The following GGA3 variants were observed in gnomAD, a reference collection of about 807,000 sequenced individuals.
GGA3 encodes the protein ADP-ribosylation factor-binding protein GGA3.
A neutral mutation model predicts 77.5 loss-of-function variants in GGA3; 57 were observed. That is an observed-to-expected ratio of 0.74 (90% CI 0.59 to 0.92). The LOEUF (loss-of-function observed/expected upper bound fraction) is 0.92. Ranked by LOEUF, GGA3 falls within the 40% of genes least tolerant of loss-of-function variation. The pLI, the probability that GGA3 is intolerant of heterozygous loss-of-function variation, is 0.00. For missense variants in GGA3, 970 were observed against 914.9 expected (o/e 1.06, Z -0.78); for synonymous variants, 416 against 383.7 (o/e 1.08, Z -0.98).
At position 75,240,970 on chromosome 17, in the gene GGA3, G is replaced by T. The variant is rs1046579045; in HGVS notation, c.1034C>A (p.Ala345Glu). Residue 345 changes from alanine to glutamate, a missense_variant, in exon 11 of 17, where the codon GCA (alanine) becomes GAA (glutamate). By Grantham distance (107) the Ala-to-Glu change is moderately radical. Transcript: ENST00000537686. ...GATGCCTGAGGAGGGTGGAGTAGGT[G>T]CTGGGGCCAACACGGAGGACAAACT... ...TNSLSSVLAP[A>E]PTPPSSGIPI... is the part of the protein sequence containing the mutation. 6.8e-6 allele frequency: 11 copies of T among 1,614,022 alleles called. No homozygotes were observed. The highest frequency in any genetic ancestry group is 8.5e-6 in the Non-Finnish European group (10 of 1,179,996).
chr17:75,242,072 G>A (rs1307442000), intron 8 of GGA3: 1 of 570,106 alleles, frequency 1.8e-6, no homozygotes, highest in East Asian at 3.0e-5. Context: ...AGAGAGCAGG[G>A]GTGAGCACCG....
At chr17:75,252,656 C>A (rs2077009269) in intron 1 of GGA3, among the ~76,000 whole-genome samples, 1 of 152,176 alleles carries the variant, frequency 6.6e-6, no homozygotes, top group Non-Finnish European at 1.5e-5. Context: ...GCCATGGCAT[C>A]CCCTATGACT....
At chr17:75,239,118 CA>C (rs1202734246) in intron 14 of GGA3, 35 bp from the exon 15 acceptor site, 4 of 1,589,124 alleles carry the variant, frequency 2.5e-6, no homozygotes, top group Non-Finnish European at 3.4e-6. Flanking sequence ...GGAGGAGCAG[CA>C]CCAGAGACAC....
intron 1 of GGA3, among the ~76,000 whole-genome samples, chr17:75,247,516 C>T (rs1382032107): frequency 6.6e-6 from 1 of 152,190 alleles, no homozygotes; most frequent in African/African-American, 2.4e-5. Context: ...CCCGCCTTGG[C>T]CTCCCAAAGT....
intron 5 of GGA3, 47 bp from the exon 6 acceptor site, chr17:75,243,213 G>A: frequency 7.1e-7 from 1 of 1,408,234 alleles, no homozygotes; most frequent in Non-Finnish European, 9.9e-7. Flanking sequence ...TGGTTGCCTT[G>A]TCACCCCTCC....
chr17:75,243,022 A>G, intron 6 of GGA3, 41 bp downstream of exon 6: 5 of 1,525,570 alleles, frequency 3.3e-6, no homozygotes, highest in South Asian at 1.1e-5. Context: ...GCTGCCACCC[A>G]CTCTCGTATG....
intron 13 of GGA3, 57 bp downstream of exon 13, chr17:75,239,732 G>C: frequency 6.3e-7 from 1 of 1,587,566 alleles, no homozygotes; most frequent in East Asian, 2.2e-5. Flanking sequence ...GTTAGCTCTG[G>C]TTCTGACACA....
chr17:75,244,088 G>A (rs2076670721), intron 4 of GGA3, among the ~76,000 whole-genome samples: 1 of 152,148 alleles, frequency 6.6e-6, no homozygotes, highest in Admixed American at 6.5e-5. Context: ...TTTGAGTTCT[G>A]AGGAAAGTGC....
chr17:75,244,465 TC>T, intron 4 of GGA3, 153 bp downstream of exon 4: 1 of 655,290 alleles, frequency 1.5e-6, no homozygotes, highest in Non-Finnish European at 2.7e-6. Flanking sequence ...TGTTTGGTCA[TC>T]CCGTTACCTC....
intron 1 of GGA3, among the ~76,000 whole-genome samples, chr17:75,247,661 CCAA>C (rs1443884329): frequency 5.9e-5 from 9 of 152,318 alleles, no homozygotes; most frequent in African/African-American, 1.7e-4. Flanking sequence ...CATTGTCAAG[CCAA>C]CAACATTTAC....
intron 1 of GGA3, among the ~76,000 whole-genome samples, chr17:75,256,148 C>T (rs1458684263): frequency 1.3e-5 from 2 of 152,082 alleles, no homozygotes; most frequent in Admixed American, 6.5e-5. Flanking sequence ...GAGCCAGGAC[C>T]GCACCCTGTA....
chr17:75,252,102 C>T (rs553563412), intron 1 of GGA3, among the ~76,000 whole-genome samples: 61 of 151,138 alleles, frequency 4.0e-4, no homozygotes, highest in Non-Finnish European at 7.2e-4. Flanking sequence ...TTGTTTGAGA[C>T]GGGGTCTCAC....
chr17:75,238,914 C>A lies in GGA3; in HGVS notation c.1950G>T (p.Lys650Asn). The A allele has an allele frequency of 6.2e-7, 1 of 1,613,814 alleles. No individual in the cohort carries two copies. Among genetic ancestry groups the A allele is most frequent in the Non-Finnish European group, 8.5e-7 (1 of 1,179,826 alleles). ...TTTGGCCCCAGGGAGACACTGGTAC[C>A]TTGGGCACTGCAGCCTGCAGCACGA... ...KSIVLQAAVP[K>N]SMKVKLQPPS... The change falls in exon 15 of 17, where the codon AAG becomes AAT. Residue 650 changes from lysine to asparagine, a missense_variant and splice_region_variant. Lys to Asn is a moderately conservative substitution (Grantham distance 94, BLOSUM62 0). Coordinates refer to ENST00000537686, the MANE Select transcript of GGA3 (RefSeq NM_138619.4).
At chr17:75,246,628 C>A in intron 2 of GGA3, 44 bp from the exon 3 acceptor site, 3 of 1,579,840 alleles carry the variant, frequency 1.9e-6, no homozygotes, top group South Asian at 2.2e-5. Flanking sequence ...AAGCCTGGGG[C>A]TACCTGGCTG....
At chr17:75,243,008 C>T in intron 6 of GGA3, 55 bp downstream of exon 6, 4 of 1,508,946 alleles carry the variant, frequency 2.7e-6, no homozygotes, top group Non-Finnish European at 3.7e-6. Flanking sequence ...AACCACATTC[C>T]CCTGCTGCCA....
chr17:75,244,864 G>T, intron 3 of GGA3, 147 bp from the exon 4 acceptor site: 1 of 643,898 alleles, frequency 1.6e-6, no homozygotes, highest in East Asian at 2.6e-5. Context: ...CACTGCCCGG[G>T]GACAGTGTAA....
chr17:75,262,054 G>C, upstream of GGA3: 1 of 1,548,042 alleles, frequency 6.5e-7, no homozygotes, highest in Non-Finnish European at 8.8e-7. Context: ...GGCCGCGTGG[G>C]CCCCTAGAGA....
chr17:75,249,550 T>C (rs2076888269), intron 1 of GGA3, among the ~76,000 whole-genome samples: 1 of 152,208 alleles, frequency 6.6e-6, no homozygotes, highest in Non-Finnish European at 1.5e-5. Flanking sequence ...CCACCAATTG[T>C]CTGAAATTTC....
At chr17:75,246,458 G>A (rs374745215) in intron 3 of GGA3, 51 bp downstream of exon 3, 34 of 1,187,228 alleles carry the variant, frequency 2.9e-5, no homozygotes, top group African/African-American at 1.0e-4. Flanking sequence ...GAGGAATGGC[G>A]TGGGCAGGTG....
Sources: allele counts gnomAD v4.1 joint callset (sites outside exome capture counted in the v4.1 genomes callset), GRCh38; gene constraint gnomAD v4.1.1; transcripts MANE v1.5; gene names NCBI Gene and HGNC (gene_info 2026-07-23, HGNC 2026-07-21).